Variants in ZCCHC10 observed in about 807,000 individuals in gnomAD.
ZCCHC10 encodes zinc finger CCHC domain-containing protein 10.
A neutral mutation model predicts 19.5 loss-of-function variants in ZCCHC10; 16 were observed. The observed-to-expected ratio is 0.82, with a 90% CI of 0.56 to 1.25. ZCCHC10 has a LOEUF of 1.25. ZCCHC10 is among the 50% of genes most tolerant of loss of function. The probability of loss-of-function intolerance (pLI) is 0.00; values close to 1 mark genes in which losing one functional copy is unlikely to be tolerated. For missense variants in ZCCHC10, 197 were observed against 201.0 expected (o/e 0.98, Z 0.12); for synonymous variants, 67 against 72.5 (o/e 0.92, Z 0.38).
chr5:133,000,218 T>C (rs978752942), intron 3 of ZCCHC10, 45 bp from the exon 4 acceptor site: 1 of 1,608,768 alleles, frequency 6.2e-7, no homozygotes, highest in African/African-American at 1.3e-5. Flanking sequence ...ATAGAGTGAT[T>C]ATACACAGCT....
chr5:133,000,188 G>A lies in ZCCHC10; in HGVS notation c.270-15C>T, dbSNP rs754208964. 1.1e-5 allele frequency: 17 copies of A among 1,612,192 alleles called. No individual in the cohort carries two copies. The African/African-American group carries it at 1.3e-4, about 13-fold the overall frequency. ...TTTCTCCAATGCTGATAAACACGAG[G>A]GGGAAAAAAGCTCCTGTTAATAGAG... On this transcript the variant is annotated splice_polypyrimidine_tract_variant and intron_variant, in intron 3 of 4. Transcript: ENST00000509437.
intron 2 of ZCCHC10, among the ~76,000 whole-genome samples, chr5:133,008,918 T>C (rs1763313199): frequency 1.3e-5 from 2 of 152,008 alleles, no homozygotes; most frequent in Admixed American, 1.3e-4. Flanking sequence ...GAAGCTGAGA[T>C]AGGAGGTGCA....
intron 1 of ZCCHC10, among the ~76,000 whole-genome samples, chr5:133,025,699 C>T (rs1764655971): frequency 6.6e-6 from 1 of 151,984 alleles, no homozygotes; most frequent in Admixed American, 6.6e-5. Context: ...TCAAAATCCT[C>T]GTATGACTGT....
At position 132,998,592 on chromosome 5, in the gene ZCCHC10, TTTC is replaced by T. The variant is rs770257575; in HGVS notation, c.567_569del (p.Lys192del). 14 of 1,613,100 alleles carry T rather than the reference TTTC, an allele frequency of 8.7e-6. No homozygotes were observed. Among genetic ancestry groups the T allele is most frequent in the African/African-American group, 2.7e-5 (2 of 74,902 alleles). Reference sequence around the variant, plus strand: ...TATGAATGGAGCAACTCTATTTCTTTTTCTTCTTCTTTGGTGGTTCATCGTCAG... The same window carrying T: ...TATGAATGGAGCAACTCTATTTCTTTTTCTTCTTTGGTGGTTCATCGTCAG... On this transcript the variant is annotated inframe_deletion, in exon 5 of 5. Coordinates refer to ENST00000509437, the MANE Select transcript of ZCCHC10 (RefSeq NM_001300816.3).
At chr5:133,026,346 T>C in intron 1 of ZCCHC10, 151 bp downstream of exon 1, 2 of 1,131,084 alleles carry the variant, frequency 1.8e-6, no homozygotes, top group Admixed American at 4.5e-5. Flanking sequence ...TCACCAGACT[T>C]ATCGCCCGGG....
chr5:133,009,768 T>G (rs1763376520), intron 2 of ZCCHC10, among the ~76,000 whole-genome samples: 1 of 152,068 alleles, frequency 6.6e-6, no homozygotes, highest in Non-Finnish European at 1.5e-5. Flanking sequence ...GTGTCAGAGT[T>G]AAGACGAAGG....
chr5:133,003,845 C>T (rs1418807479), intron 3 of ZCCHC10, among the ~76,000 whole-genome samples: 2 of 151,682 alleles, frequency 1.3e-5, no homozygotes, highest in East Asian at 1.9e-4. Flanking sequence ...CAAGTAGCTG[C>T]GATTACAGGG....
At chr5:133,026,414 CA>C (rs907284015) in intron 1 of ZCCHC10, 82 bp downstream of exon 1, 6 of 1,557,034 alleles carry the variant, frequency 3.9e-6, no homozygotes, top group Non-Finnish European at 5.3e-6. Context: ...CCGCCGGTCC[CA>C]ATAGGGGTCC....
At chr5:133,021,374 A>G (rs967960043) in intron 2 of ZCCHC10, among the ~76,000 whole-genome samples, 2 of 152,186 alleles carry the variant, frequency 1.3e-5, no homozygotes, top group Admixed American at 6.5e-5. Flanking sequence ...ATACTTAGGG[A>G]CAAATCTGAC....
intron 1 of ZCCHC10, among the ~76,000 whole-genome samples, chr5:133,025,218 G>A (rs937111627): frequency 1.6e-4 from 24 of 151,890 alleles, no homozygotes; most frequent in Non-Finnish European, 2.9e-4. Context: ...TTATAAGAAA[G>A]GGGTTGCCGC....
chr5:133,015,434 A>T (rs563473757), intron 2 of ZCCHC10, among the ~76,000 whole-genome samples: 1 of 152,116 alleles, frequency 6.6e-6, no homozygotes, highest in Non-Finnish European at 1.5e-5. Flanking sequence ...TATGTTCACA[A>T]ATTTTGTGGA....
intron 2 of ZCCHC10, among the ~76,000 whole-genome samples, chr5:133,017,032 G>A (rs1275527251): frequency 6.6e-6 from 1 of 151,994 alleles, no homozygotes; most frequent in Admixed American, 6.6e-5. Flanking sequence ...CTCTCCATGA[G>A]GAAACAACTT....
intron 2 of ZCCHC10, chr5:133,019,193 C>T: frequency 5.5e-6 from 2 of 363,672 alleles, no homozygotes; most frequent in South Asian, 3.8e-5. Context: ...CCAGCCTGGG[C>T]AACACTGTCT....
chr5:133,000,127 C>T lies in ZCCHC10; in HGVS notation c.311+5G>A. On this transcript the variant is annotated splice_donor_5th_base_variant and intron_variant, in intron 4 of 4. Coordinates refer to ENST00000509437, the MANE Select transcript of ZCCHC10 (RefSeq NM_001300816.3). Reference sequence around the variant, plus strand: ...TCTATAAAACACTGCTAAAACCACACATACCTTTTTTTCTTGGCCTTTCTT... The same window carrying T: ...TCTATAAAACACTGCTAAAACCACATATACCTTTTTTTCTTGGCCTTTCTT... 1 of 1,613,764 alleles carries T rather than the reference C, an allele frequency of 6.2e-7. No individual in the cohort carries two copies. The highest frequency in any genetic ancestry group is 8.5e-7 in the Non-Finnish European group (1 of 1,179,898).
chr5:133,016,547 A>T (rs960720032), intron 2 of ZCCHC10, among the ~76,000 whole-genome samples: 10 of 151,566 alleles, frequency 6.6e-5, no homozygotes, highest in African/African-American at 2.4e-4. Context: ...GGTTCAATCG[A>T]TTCTCTTGCC....
At chr5:133,002,400 A>G (rs905035740) in intron 3 of ZCCHC10, among the ~76,000 whole-genome samples, 2 of 152,074 alleles carry the variant, frequency 1.3e-5, no homozygotes, top group African/African-American at 2.4e-5. Context: ...TAGAGGTGAG[A>G]CTTGCTATGT....
chr5:133,005,368 T>A (rs1763050421), intron 3 of ZCCHC10, among the ~76,000 whole-genome samples: 1 of 152,090 alleles, frequency 6.6e-6, no homozygotes, highest in Admixed American at 6.6e-5. Context: ...ATCCCAGCAC[T>A]TTGGGAGGCT....
intron 2 of ZCCHC10, among the ~76,000 whole-genome samples, chr5:133,017,908 G>A (rs1193811993): frequency 6.6e-6 from 1 of 152,058 alleles, no homozygotes; most frequent in East Asian, 1.9e-4. Flanking sequence ...ACTTTAGGAG[G>A]CCAGGTGGGT....
At chr5:133,004,785 C>A (rs1329690876) in intron 3 of ZCCHC10, among the ~76,000 whole-genome samples, 1 of 152,044 alleles carries the variant, frequency 6.6e-6, no homozygotes, top group South Asian at 2.1e-4. Flanking sequence ...CCACCGTGCC[C>A]GGCTTAATTC....
Sources: gnomAD v4.1 joint callset for allele counts (sites outside exome capture counted in the v4.1 genomes callset) on GRCh38, gnomAD v4.1.1 for gene constraint, MANE v1.5 for transcripts, NCBI Gene and HGNC (gene_info 2026-07-23, HGNC 2026-07-21) for gene names.